SPTBN5: variants seen among roughly 807,000 people sequenced by gnomAD.
The protein encoded by SPTBN5 is spectrin beta chain, non-erythrocytic 5.
In SPTBN5, 513 loss-of-function variants were observed where a neutral mutation model predicts 477.6. The observed-to-expected ratio is 1.07, with a 90% CI of 1.00 to 1.16. The LOEUF is 1.16. Ranked by LOEUF, SPTBN5 falls within the 50% of genes most tolerant of loss-of-function variation. The pLI is 0.00. For missense variants in SPTBN5, 5,062 were observed against 4,731.8 expected, an observed-to-expected ratio of 1.07 and a Z score of -2.05; for synonymous variants, 2,169 against 2,011.7, an observed-to-expected ratio of 1.08 and a Z score of -2.09.
intron 58 of SPTBN5, 56 bp downstream of exon 58, chr15:41,853,526 G>C (rs2065841551): frequency 6.5e-7 from 1 of 1,540,422 alleles, no homozygotes; most frequent in African/African-American, 1.4e-5. Flanking sequence ...CCAAGAGCCA[G>C]GATACCCCCA....
chr15:41,870,210 G>C, intron 31 of SPTBN5, 33 bp downstream of exon 31: 1 of 1,536,746 alleles, frequency 6.5e-7, no homozygotes, highest in East Asian at 2.5e-5. Flanking sequence ...GGCTGCAGGG[G>C]CCTGGGTCGG....
Position 41,880,195 on chromosome 15 carries a change from C to T in SPTBN5, c.2776G>A (p.Ala926Thr). The change falls in exon 14 of 68, where the codon GCT (alanine) becomes ACT (threonine). Residue 926 changes from alanine (A) to threonine (T), a missense_variant. Coordinates refer to ENST00000320955, the MANE Select transcript of SPTBN5 (RefSeq NM_016642.4). Reference sequence around the variant, plus strand: ...AGCTGCATGACCTCCAGGGTGTCAGCCTGGGGCTGCACCCTTTGGAGCAGC... The same window carrying T: ...AGCTGCATGACCTCCAGGGTGTCAGTCTGGGGCTGCACCCTTTGGAGCAGC... Reference protein sequence around the residue: ...TVLLQRVQPQADTLEVMQLKY... With the variant: ...TVLLQRVQPQTDTLEVMQLKY... 1 of 1,605,806 alleles carries T rather than the reference C, an allele frequency of 6.2e-7. No homozygotes were observed. The highest frequency in any genetic ancestry group is 1.3e-5 in the African/African-American group (1 of 74,892).
At position 41,883,467 on chromosome 15, in the gene SPTBN5, G is replaced by T. The variant is rs199665742; in HGVS notation, c.1540C>A (p.Arg514Ser). 3.1e-6 allele frequency: 5 copies of T among 1,613,876 alleles called. No individual in the cohort carries two copies. The highest frequency in any genetic ancestry group is 4.2e-6 in the Non-Finnish European group (5 of 1,179,860). Residue 514 changes from arginine to serine, a missense_variant, in exon 8 of 68, where the codon CGC becomes AGC. Coordinates refer to ENST00000320955, the MANE Select transcript of SPTBN5 (RefSeq NM_016642.4). ...AGATGCTGAAGGAGCCTCTGCCAGC[G>T]CACGGTAACTTCCTCCTGCCTAGAG... ...VARRQEEVTVRWQRLLQHLQG... is the reference protein window; with the variant it reads ...VARRQEEVTVSWQRLLQHLQG...
At chr15:41,862,469 G>A (rs1422913417) in intron 43 of SPTBN5, 70 bp downstream of exon 43, 2 of 1,548,174 alleles carry the variant, frequency 1.3e-6, no homozygotes, top group Non-Finnish European at 1.7e-6. Flanking sequence ...GAACACAGGG[G>A]CTGAGGGGAG....
rs781105743 is a variant in SPTBN5 at position 41,885,988 on chromosome 15, G to A, written c.1267C>T (p.Arg423Trp). 2.0e-5 allele frequency: 31 copies of A among 1,546,414 alleles called. No homozygotes were observed. The highest frequency in any genetic ancestry group is 1.2e-4 in the East Asian group (5 of 42,816). ...AAGCGCCGGGCCAGGGTTTCTAGCCGCTGCAGCTGCAGTAGCCTCTGCTGC... is the reference window on the plus strand; with the variant it reads ...AAGCGCCGGGCCAGGGTTTCTAGCCACTGCAGCTGCAGTAGCCTCTGCTGC... Reference protein sequence around the residue: ...ALQQRLLQLQRLETLARRFQH... With the variant: ...ALQQRLLQLQWLETLARRFQH... The change falls in exon 7 of 68, where the codon CGG becomes TGG. Residue 423 changes from arginine (R) to tryptophan (W), a missense_variant. Coordinates refer to ENST00000320955, the MANE Select transcript of SPTBN5 (RefSeq NM_016642.4).
chr15:41,877,344 C>T lies in SPTBN5; in HGVS notation c.3483G>A (p.Leu1161=), dbSNP rs749788200. 5.6e-6 allele frequency: 9 copies of T among 1,607,338 alleles called. No homozygotes were observed. Among genetic ancestry groups the T allele is most frequent in the Non-Finnish European group, 7.6e-6 (9 of 1,176,842 alleles). Residue 1161 remains leucine, a synonymous_variant, in exon 18 of 68, where the codon CTG becomes CTA. Transcript: ENST00000320955. ...IHLWQERLQQ[L]DAQSQPMAAL... ...CTGCCATGGGCTGGCTCTGAGCGTC[C>T]AGCTGCTGCAGCCTGACCAGGATGA...
In SPTBN5 at chr15:41,866,437, C is replaced by A. The variant is rs373875484; in HGVS notation, c.6537G>T (p.Gly2179=). Reference sequence around the variant, plus strand: ...GGGGCTTCAGCTTATCTCTCAGGTCCCCAGGAGGGACCGGCTCCTTCAGCT... The same window carrying A: ...GGGGCTTCAGCTTATCTCTCAGGTCACCAGGAGGGACCGGCTCCTTCAGCT... The part of the protein sequence containing the change: ...AQQLKEPVPP[G]DLRDKLKPLL... Residue 2179 remains glycine, a synonymous_variant, in exon 37 of 68, where the codon GGG becomes GGT. Transcript: ENST00000320955. 20 of 1,607,512 alleles carry A rather than the reference C, an allele frequency of 1.2e-5. No individual in the cohort carries two copies. The East Asian group carries it at 1.6e-4, about 13-fold the overall frequency.
At chr15:41,882,883 G>C (rs2140961973) in intron 9 of SPTBN5, 113 bp downstream of exon 9, 2 of 1,355,244 alleles carry the variant, frequency 1.5e-6, no homozygotes, top group East Asian at 5.0e-5. Flanking sequence ...CTTTGGAAGT[G>C]AGGGTCAGTG....
chr15:41,853,048 C>T, intron 59 of SPTBN5, 48 bp from the exon 60 acceptor site: 2 of 1,469,850 alleles, frequency 1.4e-6, no homozygotes, highest in Non-Finnish European at 1.8e-6. Flanking sequence ...AGGGCTCCCA[C>T]CATGGGCAGG....
chr15:41,852,440 G>A, intron 61 of SPTBN5, 124 bp from the exon 62 acceptor site: 1 of 1,381,366 alleles, frequency 7.2e-7, no homozygotes. Context: ...CCCATCACTA[G>A]CTCTTTCAGC....
intron 58 of SPTBN5, 26 bp from the exon 59 acceptor site, chr15:41,853,473 G>A: frequency 6.4e-7 from 1 of 1,550,622 alleles, no homozygotes; most frequent in Non-Finnish European, 8.8e-7. Context: ...GGGAGCTGTT[G>A]TCAGGGCTGG....
At chr15:41,876,669 G>C (rs1452341894) in intron 19 of SPTBN5, 22 bp from the exon 20 acceptor site, 2 of 1,494,176 alleles carry the variant, frequency 1.3e-6, no homozygotes, top group Non-Finnish European at 9.3e-7. Context: ...GGGGGGGTTG[G>C]AGGAGGGCAT....
intron 12 of SPTBN5, 93 bp downstream of exon 12, chr15:41,881,843 A>T: frequency 8.1e-7 from 1 of 1,242,166 alleles, no homozygotes; most frequent in Non-Finnish European, 1.1e-6. Context: ...CCTGGGCCAG[A>T]GGCCACAAAG....
In SPTBN5 at chr15:41,852,716, T is replaced by A; in HGVS notation, c.10367A>T (p.Glu3456Val). The change falls in exon 61 of 68, where the codon GAG becomes GTG. Residue 3456 changes from glutamate (E) to valine (V), a missense_variant. By Grantham distance (121) the Glu-to-Val change is moderately radical. Transcript: ENST00000320955. Reference protein sequence around the residue: ...PDYGHSVSDVELLLHRHQDLE... With the variant: ...PDYGHSVSDVVLLLHRHQDLE... ...GTCCTGGTGTCTGTGCAGCAGCAAC[T>A]CCACATCTGACACTGAGTGCTGGGG... is the stretch of plus-strand genomic sequence containing the variant. 1 of 1,610,752 alleles carries A rather than the reference T, an allele frequency of 6.2e-7. No homozygotes were observed. Among genetic ancestry groups the A allele is most frequent in the Admixed American group, 1.7e-5 (1 of 59,792 alleles).
At chr15:41,888,137 G>A (rs1319037529) in intron 4 of SPTBN5, 52 bp from the exon 5 acceptor site, 2 of 1,526,090 alleles carry the variant, frequency 1.3e-6, no homozygotes, top group African/African-American at 1.4e-5. Flanking sequence ...TGGGGAGGCA[G>A]AGAGCCTGCA....
rs1595458329 is a variant in SPTBN5 at position 41,861,719 on chromosome 15, A to G, written c.7737+16T>C. ...CGGGGGGGCAAGATGCAGGCTGGGG[A>G]TGGGACTGTGCCTGCCTGTAGCTCC... On this transcript the variant is annotated intron_variant, in intron 45 of 67. Transcript: ENST00000320955. 4 of 1,533,666 alleles carry G rather than the reference A, an allele frequency of 2.6e-6. No individual in the cohort carries two copies. The highest frequency in any genetic ancestry group is 1.2e-5 in the South Asian group (1 of 83,056).
At position 41,876,189 on chromosome 15, in the gene SPTBN5, C is replaced by T. The variant is rs1567216287; in HGVS notation, c.4047G>A (p.Leu1349=). The part of the protein sequence containing the change: ...HEPSGARRNI[L]QTLKRHEAAE... ...CTGCTTCGTGCCGCTTGAGTGTCTG[C>T]AGGATGTTTCTGCGCGCTCCGGAGG... The change falls in exon 21 of 68, where the codon CTG becomes CTA. Residue 1349 remains leucine, a synonymous_variant. Transcript: ENST00000320955. 1.2e-6 allele frequency: 2 copies of T among 1,606,276 alleles called. No homozygotes were observed. The highest frequency in any genetic ancestry group is 1.7e-6 in the Non-Finnish European group (2 of 1,179,680).
At chr15:41,859,315 G>A (rs1050567559) in intron 47 of SPTBN5, among the ~76,000 whole-genome samples, 4 of 152,014 alleles carry the variant, frequency 2.6e-5, no homozygotes, top group African/African-American at 9.7e-5. Context: ...CACACCTCCA[G>A]GCCCAGCTAA....
intron 49 of SPTBN5, among the ~76,000 whole-genome samples, 178 bp from the exon 50 acceptor site, chr15:41,857,888 T>C (rs574532885): frequency 6.6e-6 from 1 of 152,226 alleles, no homozygotes; most frequent in African/African-American, 2.4e-5. Context: ...GAGAAAATAA[T>C]GGTTATTTTG....
Sources: gnomAD v4.1 joint callset for allele counts (sites outside exome capture counted in the v4.1 genomes callset) on GRCh38, gnomAD v4.1.1 for gene constraint, MANE v1.5 for transcripts, NCBI Gene and HGNC (gene_info 2026-07-23, HGNC 2026-07-21) for gene names.